Variants in COLEC12 observed in about 807,000 individuals in gnomAD.
COLEC12 encodes collectin-12.
A neutral mutation model predicts 71.1 loss-of-function variants in COLEC12; 33 were observed. The observed-to-expected ratio is 0.46, with a 90% CI of 0.35 to 0.62. COLEC12 has a LOEUF of 0.62. Among genes scored for constraint, COLEC12 ranks in the 20% least tolerant of loss-of-function variants. The pLI is 0.00. For synonymous variants in COLEC12, 350 were observed against 353.0 expected (o/e 0.99, Z 0.10); for missense variants, 765 against 916.1 (o/e 0.84, Z 2.13).
At chr18:437,136 C>T (rs781772947) in intron 2 of COLEC12, among the ~76,000 whole-genome samples, 6 of 152,208 alleles carry the variant, frequency 3.9e-5, no homozygotes, top group Admixed American at 1.3e-4. Flanking sequence ...CTTGGCCCAA[C>T]CAAGGCCTCT....
intron 2 of COLEC12, among the ~76,000 whole-genome samples, chr18:469,797 C>G (rs2846666): frequency 6.6e-6 from 1 of 151,976 alleles, no homozygotes. Context: ...TACTCTATGA[C>G]TCTGTTTGGG....
intron 2 of COLEC12, among the ~76,000 whole-genome samples, chr18:364,945 A>G (rs765448426): frequency 6.6e-6 from 1 of 152,106 alleles, no homozygotes; most frequent in Non-Finnish European, 1.5e-5. Context: ...TGGGAGTTGA[A>G]CCCAAATCTT....
At chr18:418,399 A>C (rs932145271) in intron 2 of COLEC12, among the ~76,000 whole-genome samples, 6 of 152,208 alleles carry the variant, frequency 3.9e-5, no homozygotes, top group African/African-American at 1.2e-4. Context: ...GGAAACTATC[A>C]GTGAAAGTAC....
At chr18:481,998 A>G (rs1917427031) in intron 1 of COLEC12, among the ~76,000 whole-genome samples, 1 of 151,892 alleles carries the variant, frequency 6.6e-6, no homozygotes, top group Non-Finnish European at 1.5e-5. Flanking sequence ...GGTTTGGTGG[A>G]CAGATTCTTT....
chr18:388,040 T>G (rs1328857405), intron 2 of COLEC12, among the ~76,000 whole-genome samples: 1 of 152,182 alleles, frequency 6.6e-6, no homozygotes, highest in African/African-American at 2.4e-5. Context: ...GTTTACGGAA[T>G]TGGCTAGTAG....
At position 500,522 on chromosome 18, in the gene COLEC12, G is replaced by C; in HGVS notation, c.-8C>G. The C allele has an allele frequency of 8.1e-7, 1 of 1,227,926 alleles. No individual in the cohort carries two copies. The highest frequency in any genetic ancestry group is 1.0e-6 in the Non-Finnish European group (1 of 985,498). The allele number at this position is 1,227,926 out of a possible 1,614,324, so 76.1% of individuals were successfully genotyped here. Reference sequence around the variant, plus strand: ...CGCCGCCCTACCTTTCATGGTGACCGTGGGGACGCACCGCCGGCCGGGGAG... The same window carrying C: ...CGCCGCCCTACCTTTCATGGTGACCCTGGGGACGCACCGCCGGCCGGGGAG... On this transcript the variant is annotated 5_prime_UTR_variant, in exon 1 of 10. Coordinates refer to ENST00000400256, the MANE Select transcript of COLEC12 (RefSeq NM_130386.3). The surrounding 1 kb of genome is among the most constrained non-coding windows in gnomAD (Gnocchi z 5.3).
At chr18:448,106 C>A (rs1401714219) in intron 2 of COLEC12, among the ~76,000 whole-genome samples, 1 of 152,210 alleles carries the variant, frequency 6.6e-6, no homozygotes, top group African/African-American at 2.4e-5. Flanking sequence ...AGTGGTACCA[C>A]AAAGTTTGTC....
intron 1 of COLEC12, among the ~76,000 whole-genome samples, chr18:497,936 C>T (rs1917743260): frequency 6.6e-6 from 1 of 152,232 alleles, no homozygotes; most frequent in Non-Finnish European, 1.5e-5. Flanking sequence ...GTTGGCTCCA[C>T]CTCTTCCTGG....
At chr18:431,125 T>A (rs1283440985) in intron 2 of COLEC12, among the ~76,000 whole-genome samples, 1 of 140,796 alleles carries the variant, frequency 7.1e-6, no homozygotes, top group Non-Finnish European at 1.6e-5. Flanking sequence ...CTCAAGTAGC[T>A]GGGACTGACT....
chr18:489,674 C>G (rs2143787944), intron 1 of COLEC12, among the ~76,000 whole-genome samples: 1 of 152,206 alleles, frequency 6.6e-6, no homozygotes, highest in Non-Finnish European at 1.5e-5. Flanking sequence ...AAACAAAAAG[C>G]TATGCAAGAA....
intron 2 of COLEC12, among the ~76,000 whole-genome samples, chr18:418,408 A>G (rs1394595600): frequency 6.6e-6 from 1 of 152,220 alleles, no homozygotes; most frequent in Non-Finnish European, 1.5e-5. Context: ...CAGTGAAAGT[A>G]CAAACTAACT....
At position 408,429 on chromosome 18, in the gene COLEC12, T is replaced by C. The variant is rs963120678; in HGVS notation, c.59-50907A>G. 2.0e-5 allele frequency among the ~76,000 whole-genome samples: 3 copies of C among 152,032 alleles called. No homozygotes were observed. Among genetic ancestry groups the C allele is most frequent in the African/African-American group, 4.8e-5 (2 of 41,388 alleles). ...AATAAATAATACATCACATACTGCA[T>C]CTCCTTTAGTGGTCTTTTCAATCAT... On this transcript the variant is annotated intron_variant, in intron 2 of 9. Transcript: ENST00000400256. This position sits in a 1 kb window ranked among gnomAD's most constrained non-coding sequence, Gnocchi z 4.3.
chr18:407,114 C>T (rs1312345813), intron 2 of COLEC12, among the ~76,000 whole-genome samples: 1 of 152,228 alleles, frequency 6.6e-6, no homozygotes, highest in Non-Finnish European at 1.5e-5. Flanking sequence ...GAGGCTGAGC[C>T]ACATCTGCCC....
chr18:435,440 G>A (rs1018590693), intron 2 of COLEC12, among the ~76,000 whole-genome samples: 8 of 152,144 alleles, frequency 5.3e-5, no homozygotes, highest in Non-Finnish European at 2.9e-5. Flanking sequence ...CTCGTGAGAT[G>A]CACTCATTAT....
intron 8 of COLEC12, among the ~76,000 whole-genome samples, chr18:330,509 TA>T (rs1043462555): frequency 3.3e-5 from 5 of 152,118 alleles, no homozygotes; most frequent in East Asian, 3.9e-4. Context: ...TTTTTAATTT[TA>T]TTTTTTTTAT....
rs138415667 is a variant in COLEC12, at chr18:480,721, C to T, written c.44G>A (p.Gly15Asp). ...FAEEEEVQSF[G>D]YKRFGIQEGT... is the part of the protein sequence containing the mutation. ...TTAGGACTCACCAAACCGCTTGTAA[C>T]CGAAGGATTGCACCTCCTCCTCCTC... Residue 15 changes from glycine to aspartate, a missense_variant, in exon 2 of 10, where the codon GGT (glycine) becomes GAT (aspartate). Gly to Asp is a moderately conservative substitution (Grantham distance 94). Transcript: ENST00000400256. This position sits in a 1 kb window ranked among gnomAD's most constrained non-coding sequence, Gnocchi z 4.1. 1.2e-6 allele frequency: 2 copies of T among 1,614,040 alleles called. No individual in the cohort carries two copies. The highest frequency in any genetic ancestry group is 1.7e-5 in the Admixed American group (1 of 60,012).
intron 2 of COLEC12, among the ~76,000 whole-genome samples, chr18:441,956 T>G (rs1916544088): frequency 7.0e-6 from 1 of 143,192 alleles, no homozygotes; most frequent in African/African-American, 3.0e-5. Context: ...GCCGTGATCA[T>G]GCTACTACAC....
At position 490,006 on chromosome 18, in the gene COLEC12, T is replaced by A. The variant is rs188788360; in HGVS notation, c.8-9249A>T. On this transcript the variant is annotated intron_variant, in intron 1 of 9. Coordinates refer to ENST00000400256, the MANE Select transcript of COLEC12 (RefSeq NM_130386.3). ...CCAGCCCTCCATGCGCAAGTCCACT[T>A]CCTTCCCCTGGAATCTGGGCAGGCC... 2.0e-3 allele frequency among the ~76,000 whole-genome samples: 310 copies of A among 152,324 alleles called. 4 individuals carry two copies. Among genetic ancestry groups the A allele is most frequent in the African/African-American group, 7.1e-3 (295 of 41,574 alleles).
chr18:393,185 G>A (rs1182827200), intron 2 of COLEC12, among the ~76,000 whole-genome samples: 1 of 152,172 alleles, frequency 6.6e-6, no homozygotes, highest in Non-Finnish European at 1.5e-5. Flanking sequence ...TCGCACTGAG[G>A]GACATTACAA....
Sources: allele counts gnomAD v4.1 joint callset (sites outside exome capture counted in the v4.1 genomes callset), GRCh38; gene constraint gnomAD v4.1.1; non-coding constraint Gnocchi (gnomAD v3.1); transcripts MANE v1.5; gene names NCBI Gene and HGNC (gene_info 2026-07-23, HGNC 2026-07-21).